The following SH3TC2 variants were observed in gnomAD, a reference collection of about 807,000 sequenced individuals.
The protein encoded by SH3TC2 is SH3 domain and tetratricopeptide repeat-containing protein 2.
SH3TC2 carries 87 observed loss-of-function variants against 124.5 expected under a neutral mutation model. That is an observed-to-expected ratio of 0.70 (90% CI 0.59 to 0.84). The LOEUF (loss-of-function observed/expected upper bound fraction) is 0.84, where lower values mean the gene tolerates loss of function less well. Among genes scored for constraint, SH3TC2 ranks in the 40% least tolerant of loss-of-function variants. The pLI, the probability that SH3TC2 is intolerant of heterozygous loss-of-function variation, is 0.00. For synonymous variants in SH3TC2, 634 were observed against 628.5 expected (o/e 1.01, Z -0.13); for missense variants, 1,536 against 1,566.4 (o/e 0.98, Z 0.33).
In SH3TC2 at chr5:148,985,925, T is replaced by G. The variant is rs1753325598; in HGVS notation, c.*18786A>C. 6.6e-6 allele frequency among the ~76,000 whole-genome samples: 1 copy of G among 152,230 alleles called. No individual in the cohort carries two copies. Among genetic ancestry groups the G allele is most frequent in the African/African-American group, 2.4e-5 (1 of 41,464 alleles). ...GGCTCAAAAGACTTCATGTCTGTGC[T>G]GGGAGCAAAGTAACCTATAGATACC... On this transcript the variant is annotated 3_prime_UTR_variant, in exon 17 of 17. Transcript: ENST00000515425.
At chr5:149,049,289 G>A (rs1460195024) in intron 2 of SH3TC2, among the ~76,000 whole-genome samples, 1 of 152,184 alleles carries the variant, frequency 6.6e-6, no homozygotes, top group Non-Finnish European at 1.5e-5. Context: ...CTCATGGCAT[G>A]CTGAGCTCTA....
chr5:149,058,944 G>A (rs115582005), intron 1 of SH3TC2, among the ~76,000 whole-genome samples: 3,475 of 152,240 alleles, frequency 0.023, 78 homozygotes, highest in Non-Finnish European at 0.03. Flanking sequence ...GAGACCAGCT[G>A]AAGAGGTGCT....
chr5:149,026,424 T>C, intron 12 of SH3TC2, 148 bp downstream of exon 12: 2 of 857,342 alleles, frequency 2.3e-6, no homozygotes, highest in Admixed American at 2.0e-5. Flanking sequence ...AAGTGATGGA[T>C]GCATTGTGGT....
At position 149,044,612 on chromosome 5, in the gene SH3TC2, G is replaced by A; in HGVS notation, c.306C>T (p.Ile102=). The A allele has an allele frequency of 6.2e-7, 1 of 1,614,050 alleles. No homozygotes were observed. The highest frequency in any genetic ancestry group is 8.5e-7 in the Non-Finnish European group (1 of 1,179,970). ...FKDLSARLVS[I]QSQRAQFLIT... ...TGAGAAACTGGGCCCTCTGAGACTG[G>A]ATACTGACCAACCTTGCTGAGAGGT... Residue 102 remains isoleucine (I), a synonymous_variant, in exon 4 of 17, where the codon ATC becomes ATT. Coordinates refer to ENST00000515425, the MANE Select transcript of SH3TC2 (RefSeq NM_024577.4).
At chr5:149,054,123 T>C (rs898260066) in intron 1 of SH3TC2, among the ~76,000 whole-genome samples, 2 of 152,258 alleles carry the variant, frequency 1.3e-5, no homozygotes, top group Non-Finnish European at 2.9e-5. Context: ...TTACCCATTG[T>C]ATACACCTAT....
Position 149,008,893 on chromosome 5 carries a change from AAGCCTTCTCAT to A in SH3TC2, c.3425_3435del (p.Tyr1142PhefsTer38), listed in dbSNP as rs1222150652. 5.6e-6 allele frequency: 9 copies of A among 1,614,032 alleles called. No homozygotes were observed. The highest frequency in any genetic ancestry group is 1.3e-5 in the African/African-American group (1 of 74,898). On this transcript the variant is annotated frameshift_variant, in exon 15 of 17. Transcript: ENST00000515425. LOFTEE classifies it high-confidence loss of function. ...CTGGCGGCCAGGGTGGCAAATTCCA[AAGCCTTCTCAT>A]AGCCTTCGAGGCTAATCTGCAGCTC... is the stretch of plus-strand genomic sequence containing the variant.
intron 8 of SH3TC2, 34 bp from the exon 9 acceptor site, chr5:149,031,721 C>T (rs775868506): frequency 3.1e-6 from 5 of 1,612,958 alleles, no homozygotes; most frequent in Non-Finnish European, 4.2e-6. Flanking sequence ...AGACAGATTA[C>T]TGCAAGGCTT....
chr5:149,043,376 T>C (rs908330756), intron 4 of SH3TC2, among the ~76,000 whole-genome samples: 1 of 152,188 alleles, frequency 6.6e-6, no homozygotes, highest in Admixed American at 6.5e-5. Context: ...GACTAAAAAC[T>C]ATGTAAATTG....
chr5:149,036,806 G>A lies in SH3TC2; in HGVS notation c.1001+1489C>T, dbSNP rs376058579. On this transcript the variant is annotated intron_variant, in intron 8 of 16. Transcript: ENST00000515425. Reference sequence around the variant, plus strand: ...ACCAGTTACACAACAGCCTCTGGAGGCAGAACACAGGTGTCCATATTTGTA... The same window carrying A: ...ACCAGTTACACAACAGCCTCTGGAGACAGAACACAGGTGTCCATATTTGTA... 1.5e-3 allele frequency among the ~76,000 whole-genome samples: 227 copies of A among 152,232 alleles called. 11 individuals are homozygous for A. The South Asian group carries it at 0.046, about 31-fold the overall frequency.
rs1052061314 is a variant in SH3TC2, at chr5:148,983,834, T to C, written c.*20877A>G. Reference sequence around the variant, plus strand: ...AACACAGGGGAGAGGGAAGATAAGATGTAAACTTCTGGTCACCACCCTGAA... The same window carrying C: ...AACACAGGGGAGAGGGAAGATAAGACGTAAACTTCTGGTCACCACCCTGAA... On this transcript the variant is annotated 3_prime_UTR_variant, in exon 17 of 17. Coordinates refer to ENST00000515425, the MANE Select transcript of SH3TC2 (RefSeq NM_024577.4). Among the ~76,000 whole-genome samples, 16 of 152,198 alleles carry C rather than the reference T, an allele frequency of 1.1e-4. No individual in the cohort carries two copies. The highest frequency in any genetic ancestry group is 1.9e-4 in the African/African-American group (8 of 41,454).
rs1304736810 is a variant in SH3TC2 at position 148,985,035 on chromosome 5, G to A, written c.*19676C>T. Among the ~76,000 whole-genome samples, 1 of 151,910 alleles carries A rather than the reference G, an allele frequency of 6.6e-6. No homozygotes were observed. Among genetic ancestry groups the A allele is most frequent in the Non-Finnish European group, 1.5e-5 (1 of 67,992 alleles). The stretch of plus-strand genomic sequence containing the variant: ...TGGTTTTCATGGTTCCACCAACCTG[G>A]GCAAGCTAATCTGGTTAACTGAGAC... On this transcript the variant is annotated 3_prime_UTR_variant, in exon 17 of 17. Coordinates refer to ENST00000515425, the MANE Select transcript of SH3TC2 (RefSeq NM_024577.4).
At chr5:149,037,940 A>G (rs1754309741) in intron 8 of SH3TC2, among the ~76,000 whole-genome samples, 1 of 151,904 alleles carries the variant, frequency 6.6e-6, no homozygotes, top group African/African-American at 2.4e-5. Flanking sequence ...CTGCTAATCT[A>G]TTTCTCCCCG....
At position 149,028,144 on chromosome 5, in the gene SH3TC2, G is replaced by GCCGGGC; in HGVS notation, c.1587_1588insGCCCGG (p.Ala528_Arg529dup). On this transcript the variant is annotated inframe_insertion, in exon 11 of 17. Coordinates refer to ENST00000515425, the MANE Select transcript of SH3TC2 (RefSeq NM_024577.4). ...CTCAGCCGGCCCAGGAGGAAGCAGAGACGGGCATGGGCCCAGGTCATGTGG... is the reference window on the plus strand; with the variant it reads ...CTCAGCCGGCCCAGGAGGAAGCAGAGCCGGGCACGGGCATGGGCCCAGGTCATGTGG... 6.2e-7 allele frequency: 1 copy of GCCGGGC among 1,614,136 alleles called. No individual in the cohort carries two copies. The highest frequency in any genetic ancestry group is 8.5e-7 in the Non-Finnish European group (1 of 1,180,032).
rs529569728 is a variant in SH3TC2, at chr5:149,044,961, T to C, written c.280-323A>G. 156 of 205,230 alleles carry C rather than the reference T, an allele frequency of 7.6e-4. 1 individual carries two copies. Among genetic ancestry groups the C allele is most frequent in the Middle Eastern group, 4.1e-3 (2 of 490 alleles). The allele number at this position is 205,230 out of a possible 1,614,324, so 12.7% of individuals were successfully genotyped here. On this transcript the variant is annotated intron_variant, in intron 3 of 16. Coordinates refer to ENST00000515425, the MANE Select transcript of SH3TC2 (RefSeq NM_024577.4). ...AGGGAATAGAACTATGGGCAAAGAATGCTACTTTTTGTGTTTAAAAAAAAA... is the reference window on the plus strand; with the variant it reads ...AGGGAATAGAACTATGGGCAAAGAACGCTACTTTTTGTGTTTAAAAAAAAA...
chr5:149,040,688 A>G lies in SH3TC2; in HGVS notation c.732-11T>C. 6.2e-7 allele frequency: 1 copy of G among 1,613,738 alleles called. No homozygotes were observed. Among genetic ancestry groups the G allele is most frequent in the Non-Finnish European group, 8.5e-7 (1 of 1,179,648 alleles). On this transcript the variant is annotated splice_polypyrimidine_tract_variant and intron_variant, in intron 6 of 16. Coordinates refer to ENST00000515425, the MANE Select transcript of SH3TC2 (RefSeq NM_024577.4). ...TTCTTTAGGAACCACCTGCCAATGA[A>G]AACATGGGGTTTGCAAACACAGATT...
At chr5:149,054,622 A>G (rs1754611717) in intron 1 of SH3TC2, among the ~76,000 whole-genome samples, 1 of 152,222 alleles carries the variant, frequency 6.6e-6, no homozygotes, top group South Asian at 2.1e-4. Context: ...TTAGAAATTG[A>G]AATGTTTCAC....
Position 149,014,026 on chromosome 5 carries a change from G to A in SH3TC2, c.3054-1292C>T, listed in dbSNP as rs1045839947. 3.3e-5 allele frequency among the ~76,000 whole-genome samples: 5 copies of A among 152,144 alleles called. No homozygotes were observed. In the South Asian group the frequency reaches 8.3e-4, roughly 25 times the overall value. ...AGTCCAATCTTCTTATTTTATAGAG[G>A]AAACAAGCCCAGAAACTGGAAATAA... On this transcript the variant is annotated intron_variant, in intron 12 of 16. Coordinates refer to ENST00000515425, the MANE Select transcript of SH3TC2 (RefSeq NM_024577.4).
chr5:148,994,412 C>G lies in SH3TC2; in HGVS notation c.*10299G>C, dbSNP rs1753469651. Among the ~76,000 whole-genome samples, 1 of 152,184 alleles carries G rather than the reference C, an allele frequency of 6.6e-6. No individual in the cohort carries two copies. Among genetic ancestry groups the G allele is most frequent in the South Asian group, 2.1e-4 (1 of 4,826 alleles). The stretch of plus-strand genomic sequence containing the variant: ...TGAGGTAAAAGTGCTCAAATCTAAG[C>G]TGTGATGGTAAGAATAATAGGTAAG... On this transcript the variant is annotated 3_prime_UTR_variant, in exon 17 of 17. Transcript: ENST00000515425.
At chr5:149,050,795 G>C (rs115517645) in intron 2 of SH3TC2, among the ~76,000 whole-genome samples, 1,580 of 152,256 alleles carry the variant, frequency 0.01, 32 homozygotes, top group African/African-American at 0.036. Context: ...TATTTACGTA[G>C]TCTAGATCCT....
Sources: gnomAD v4.1 joint callset for allele counts (sites outside exome capture counted in the v4.1 genomes callset) on GRCh38, gnomAD v4.1.1 for gene constraint, MANE v1.5 for transcripts, NCBI Gene and HGNC (gene_info 2026-07-23, HGNC 2026-07-21) for gene names.